Variants in CTPS1 observed in about 807,000 individuals in gnomAD.
CTPS1 encodes the protein CTP synthase 1.
A neutral mutation model predicts 80.5 loss-of-function variants in CTPS1; 25 were observed. The ratio of observed to expected loss-of-function variants is 0.31; its 90% CI spans 0.23 to 0.43. The LOEUF is 0.43. Among genes scored for constraint, CTPS1 ranks in the 20% least tolerant of loss-of-function variants. CTPS1 has a pLI of 1.00. For synonymous variants in CTPS1, 267 were observed against 252.5 expected (o/e 1.06, Z -0.54); for missense variants, 442 against 725.7 (o/e 0.61, Z 4.49).
chr1:40,987,374 G>A lies in CTPS1; in HGVS notation c.340G>A (p.Val114Ile). The part of the protein sequence containing the change: ...GDYLGKTVQV[V>I]PHITDAIQEW... ...CCTGTTTGTTTTCTTTTTCCCAGTTGTCCCTCATATCACAGATGCAATCCA... is the reference window on the plus strand; with the variant it reads ...CCTGTTTGTTTTCTTTTTCCCAGTTATCCCTCATATCACAGATGCAATCCA... The change falls in exon 4 of 19, where the codon GTC becomes ATC. Residue 114 changes from valine (V) to isoleucine (I), a missense_variant and splice_region_variant. This residue lies in a region of CTPS1 where 69 missense variants were observed against 102.1 expected (regional missense o/e 0.68). Coordinates refer to ENST00000650070, the MANE Select transcript of CTPS1 (RefSeq NM_001905.4). 1.2e-6 allele frequency: 2 copies of A among 1,611,848 alleles called. No individual in the cohort carries two copies. Among genetic ancestry groups the A allele is most frequent in the Non-Finnish European group, 1.7e-6 (2 of 1,177,990 alleles).
chr1:41,007,583 G>A lies in CTPS1; in HGVS notation c.1393+38G>A, dbSNP rs1489554707. 6.3e-7 allele frequency: 1 copy of A among 1,575,122 alleles called. No individual in the cohort carries two copies. ...TCACGCTGGCCCAGCCTTTGGCTCT[G>A]CGTGCCCAGGACGCGTGTCTTAGGG... On this transcript the variant is annotated intron_variant, in intron 14 of 18. Coordinates refer to ENST00000650070, the MANE Select transcript of CTPS1 (RefSeq NM_001905.4). This position sits in a 1 kb window ranked among gnomAD's most constrained non-coding sequence, Gnocchi z 4.4.
rs902429844 is a variant in CTPS1, at chr1:40,997,422, A to G, written c.901A>G (p.Ile301Val). Residue 301 changes from isoleucine (I) to valine (V), a missense_variant, in exon 9 of 19, where the codon ATT becomes GTT. By Grantham distance (29) the Ile-to-Val change is conservative. Around this residue, in one of 4 missense-constraint regions of CTPS1, gnomAD observed 321 missense variants for 467.2 expected, o/e 0.69. Coordinates refer to ENST00000650070, the MANE Select transcript of CTPS1 (RefSeq NM_001905.4). ...RYDRLLETCS[I>V]ALVGKYTKFS... ...TGATCGCTTGCTGGAGACCTGCTCTATTGCCCTTGTGGGCAAATACACGAA... is the reference window on the plus strand; with the variant it reads ...TGATCGCTTGCTGGAGACCTGCTCTGTTGCCCTTGTGGGCAAATACACGAA... 1 of 1,614,048 alleles carries G rather than the reference A, an allele frequency of 6.2e-7. No individual in the cohort carries two copies. The highest frequency in any genetic ancestry group is 8.5e-7 in the Non-Finnish European group (1 of 1,179,982).
At chr1:40,999,751 C>A (rs955267612) in intron 9 of CTPS1, among the ~76,000 whole-genome samples, 1 of 152,208 alleles carries the variant, frequency 6.6e-6, no homozygotes, top group African/African-American at 2.4e-5. Flanking sequence ...ACAAATTATT[C>A]GTAATAGCTG....
intron 4 of CTPS1, among the ~76,000 whole-genome samples, chr1:40,988,055 G>A (rs2148393106): frequency 6.6e-6 from 1 of 152,198 alleles, no homozygotes; most frequent in South Asian, 2.1e-4. Flanking sequence ...TGGGACTACA[G>A]TGCGCACCAC....
chr1:41,006,009 T>C (rs543549399), intron 12 of CTPS1, 42 bp from the exon 13 acceptor site: 3 of 1,507,638 alleles, frequency 2.0e-6, no homozygotes, highest in East Asian at 4.5e-5. Context: ...TTAATCACTT[T>C]CGTTTGTAAC....
intron 3 of CTPS1, among the ~76,000 whole-genome samples, chr1:40,986,898 G>A (rs1303745351): frequency 6.6e-6 from 1 of 152,132 alleles, no homozygotes; most frequent in African/African-American, 2.4e-5. Context: ...CTGACCCCGG[G>A]TGCTGTGCTT....
intron 7 of CTPS1, among the ~76,000 whole-genome samples, chr1:40,993,774 C>CTTTTTCTT (rs1642678659): frequency 1.2e-5 from 1 of 85,772 alleles, no homozygotes; most frequent in Non-Finnish European, 2.2e-5. Context: ...TTTCTTCTCT[C>CTTTTTCTT]TTTTTTTTTT....
At chr1:40,998,939 C>T (rs1642831131) in intron 9 of CTPS1, among the ~76,000 whole-genome samples, 1 of 152,212 alleles carries the variant, frequency 6.6e-6, no homozygotes, top group African/African-American at 2.4e-5. Context: ...TTTGCTAGTT[C>T]TTTCCATCAT....
chr1:40,987,389 G>C lies in CTPS1; in HGVS notation c.355G>C (p.Asp119His), dbSNP rs1376132109. The C allele has an allele frequency of 6.2e-7, 1 of 1,613,842 alleles. No homozygotes were observed. The highest frequency in any genetic ancestry group is 8.5e-7 in the Non-Finnish European group (1 of 1,179,750). The change falls in exon 4 of 19, where the codon GAT becomes CAT. Residue 119 changes from aspartate to histidine, a missense_variant. Coordinates refer to ENST00000650070, the MANE Select transcript of CTPS1 (RefSeq NM_001905.4). ...TTTCCCAGTTGTCCCTCATATCACAGATGCAATCCAGGAGTGGGTGATGAG... is the reference window on the plus strand; with the variant it reads ...TTTCCCAGTTGTCCCTCATATCACACATGCAATCCAGGAGTGGGTGATGAG... ...KTVQVVPHIT[D>H]AIQEWVMRQA... is the part of the protein sequence containing the mutation.
intron 10 of CTPS1, chr1:41,001,440 A>G (rs1029213631): frequency 2.2e-5 from 6 of 273,718 alleles, no homozygotes; most frequent in South Asian, 1.8e-4. Context: ...GTTATTTATA[A>G]TAGTAAAACA....
At chr1:40,993,618 C>T (rs780717661) in intron 7 of CTPS1, among the ~76,000 whole-genome samples, 4 of 152,106 alleles carry the variant, frequency 2.6e-5, no homozygotes, top group Non-Finnish European at 2.9e-5. Context: ...AGATTACAGG[C>T]GTGAGCCGGC....
At chr1:40,981,297 G>A (rs1287229914) in intron 1 of CTPS1, 2 of 152,240 alleles carry the variant, frequency 1.3e-5, no homozygotes, top group Non-Finnish European at 2.9e-5. Context: ...ACTGGCATAT[G>A]TATTGCCAGG....
In CTPS1 at chr1:41,012,254, A is replaced by G. The variant is rs1357627018; in HGVS notation, c.*606A>G. On this transcript the variant is annotated 3_prime_UTR_variant, in exon 19 of 19. Transcript: ENST00000650070. ...CCAAGATGTCTGTCTCTGAAGCGTGATTTTAAAATCCCCATGCCTGTGGCT... is the reference window on the plus strand; with the variant it reads ...CCAAGATGTCTGTCTCTGAAGCGTGGTTTTAAAATCCCCATGCCTGTGGCT... The G allele has an allele frequency of 1.3e-5, 2 of 152,120 alleles. No homozygotes were observed. Among genetic ancestry groups the G allele is most frequent in the Non-Finnish European group, 2.9e-5 (2 of 68,032 alleles). The allele number at this position is 152,120 out of a possible 1,614,324, so 9.4% of individuals were successfully genotyped here.
Position 41,007,604 on chromosome 1 carries a change from T to G in CTPS1, c.1393+59T>G. On this transcript the variant is annotated intron_variant, in intron 14 of 18. Coordinates refer to ENST00000650070, the MANE Select transcript of CTPS1 (RefSeq NM_001905.4). The surrounding 1 kb of genome is among the most constrained non-coding windows in gnomAD (Gnocchi z 4.4). Reference sequence around the variant, plus strand: ...CTCTGCGTGCCCAGGACGCGTGTCTTAGGGTGATGCTGTGGCTTCGAGGAG... The same window carrying G: ...CTCTGCGTGCCCAGGACGCGTGTCTGAGGGTGATGCTGTGGCTTCGAGGAG... 2.8e-6 allele frequency: 4 copies of G among 1,451,840 alleles called. No individual in the cohort carries two copies. Among genetic ancestry groups the G allele is most frequent in the Non-Finnish European group, 3.9e-6 (4 of 1,036,974 alleles). 89.9% of individuals were successfully genotyped at this position (1,451,840 alleles called of 1,614,324 possible). A position where few individuals can be genotyped will look rare whatever the true frequency, so the allele number is the denominator to read the frequency against.
In CTPS1 at chr1:40,987,799, C is replaced by T. The variant is rs546374738; in HGVS notation, c.438+327C>T. Reference sequence around the variant, plus strand: ...TTCGTCTGGCAAGAGCATTCGTCTCCGAATGAGCTTCATTTGGTTTCAGTA... The same window carrying T: ...TTCGTCTGGCAAGAGCATTCGTCTCTGAATGAGCTTCATTTGGTTTCAGTA... On this transcript the variant is annotated intron_variant, in intron 4 of 18. Transcript: ENST00000650070. Among the ~76,000 whole-genome samples the T allele has an allele frequency of 3.3e-5, 5 of 152,314 alleles. No individual in the cohort carries two copies. In the East Asian group the frequency reaches 5.8e-4, roughly 18 times the overall value.
chr1:41,007,581 C>T lies in CTPS1; in HGVS notation c.1393+36C>T. ...CCTCACGCTGGCCCAGCCTTTGGCT[C>T]TGCGTGCCCAGGACGCGTGTCTTAG... is the stretch of plus-strand genomic sequence containing the variant. On this transcript the variant is annotated intron_variant, in intron 14 of 18. Transcript: ENST00000650070. This position sits in a 1 kb window ranked among gnomAD's most constrained non-coding sequence, Gnocchi z 4.4. 1.3e-6 allele frequency: 2 copies of T among 1,582,198 alleles called. No individual in the cohort carries two copies. Among genetic ancestry groups the T allele is most frequent in the South Asian group, 1.1e-5 (1 of 90,302 alleles).
rs1012096960 is a variant in CTPS1, at chr1:41,012,438, G to C, written c.*790G>C. ...CTTCCAGGATGGTGTTACTGCAGTT[G>C]AAAGGGCAATATGAAGTTACTTTCT... On this transcript the variant is annotated 3_prime_UTR_variant, in exon 19 of 19. Coordinates refer to ENST00000650070, the MANE Select transcript of CTPS1 (RefSeq NM_001905.4). The C allele has an allele frequency of 6.6e-6, 1 of 152,176 alleles. No individual in the cohort carries two copies. Among genetic ancestry groups the C allele is most frequent in the Non-Finnish European group, 1.5e-5 (1 of 68,028 alleles). The allele number at this position is 152,176 out of a possible 1,614,324, so 9.4% of individuals were successfully genotyped here.
intron 18 of CTPS1, among the ~76,000 whole-genome samples, chr1:41,011,112 C>G (rs1354300186): frequency 6.6e-6 from 1 of 152,244 alleles, no homozygotes; most frequent in Non-Finnish European, 1.5e-5. Flanking sequence ...CCGGTCTGAC[C>G]TGCTGATCCC....
chr1:41,007,769 C>T lies in CTPS1; in HGVS notation c.1393+224C>T, dbSNP rs1463037908. ...GGACACTGGCAGTGCAGTCAGACTC[C>T]TAGGCATGGGCGCCTCAACAGAATG... On this transcript the variant is annotated intron_variant, in intron 14 of 18. Coordinates refer to ENST00000650070, the MANE Select transcript of CTPS1 (RefSeq NM_001905.4). This position sits in a 1 kb window ranked among gnomAD's most constrained non-coding sequence, Gnocchi z 4.4. Among the ~76,000 whole-genome samples, 3 of 152,192 alleles carry T rather than the reference C, an allele frequency of 2.0e-5. No homozygotes were observed. The highest frequency in any genetic ancestry group is 1.5e-5 in the Non-Finnish European group (1 of 68,026).
Sources: allele counts gnomAD v4.1 joint callset (sites outside exome capture counted in the v4.1 genomes callset), GRCh38; gene constraint gnomAD v4.1.1; regional missense constraint gnomAD v4.1.1; non-coding constraint Gnocchi (gnomAD v3.1); transcripts MANE v1.5; gene names NCBI Gene and HGNC (gene_info 2026-07-23, HGNC 2026-07-21).